The following ARFGEF3 variants were observed in gnomAD, a reference collection of about 807,000 sequenced individuals.
ARFGEF3 encodes ARFGEF family member 3.
In ARFGEF3, 96 loss-of-function variants were observed where a neutral mutation model predicts 221.7. The ratio of observed to expected loss-of-function variants is 0.43; its 90% CI spans 0.37 to 0.51. ARFGEF3 has a LOEUF of 0.51. ARFGEF3 is among the 20% of genes least tolerant of loss of function. The probability of loss-of-function intolerance (pLI) is 0.00; values close to 1 mark genes in which losing one functional copy is unlikely to be tolerated. For synonymous variants in ARFGEF3, 1,145 were observed against 1,126.8 expected (o/e 1.02, Z -0.32); for missense variants, 2,410 against 2,789.9 (o/e 0.86, Z 3.07).
chr6:138,303,278 A>T (rs1018801346), intron 22 of ARFGEF3, among the ~76,000 whole-genome samples: 1 of 142,052 alleles, frequency 7.0e-6, no homozygotes, highest in African/African-American at 2.5e-5. Flanking sequence ...AAGTGATCAC[A>T]AAAAAAATGT....
chr6:138,201,354 A>G (rs1027473662), intron 2 of ARFGEF3, among the ~76,000 whole-genome samples: 6 of 152,230 alleles, frequency 3.9e-5, no homozygotes, highest in African/African-American at 1.4e-4. Flanking sequence ...ATTATTCAGA[A>G]AAGATACTTG....
intron 4 of ARFGEF3, among the ~76,000 whole-genome samples, chr6:138,224,325 G>C (rs544253354): frequency 2.0e-5 from 3 of 152,162 alleles, no homozygotes; most frequent in African/African-American, 7.2e-5. Context: ...CCACAGCGAG[G>C]TCCTGCCAGA....
chr6:138,340,998 A>C lies in ARFGEF3; in HGVS notation c.*4512A>C, dbSNP rs1333349640. The C allele has an allele frequency of 6.6e-6, 1 of 152,230 alleles. No homozygotes were observed. The allele number at this position is 152,230 out of a possible 1,614,324, so 9.4% of individuals were successfully genotyped here. A position where few individuals can be genotyped will look rare whatever the true frequency, so the allele number is the denominator to read the frequency against. On this transcript the variant is annotated 3_prime_UTR_variant, in exon 34 of 34. Coordinates refer to ENST00000251691, the MANE Select transcript of ARFGEF3 (RefSeq NM_020340.5). ...GTGTTTGAAAATAAAACCAAAATCT[A>C]AACTTTAGTCTTCAAGCAGACATTC...
chr6:138,190,816 C>G (rs1011357732), intron 2 of ARFGEF3, among the ~76,000 whole-genome samples: 3 of 152,170 alleles, frequency 2.0e-5, no homozygotes, highest in African/African-American at 7.2e-5. Flanking sequence ...AATACTTTGG[C>G]TAATCTGCAG....
chr6:138,247,191 G>A (rs965155037), intron 8 of ARFGEF3, among the ~76,000 whole-genome samples: 2 of 152,118 alleles, frequency 1.3e-5, no homozygotes, highest in Admixed American at 6.5e-5. Flanking sequence ...GATGTAAATA[G>A]TTCCTGCTGT....
rs765014515 is a variant in ARFGEF3, at chr6:138,336,430, C to T, written c.6478C>T (p.Gln2160Ter). 6.2e-7 allele frequency: 1 copy of T among 1,613,366 alleles called. No individual in the cohort carries two copies. The highest frequency in any genetic ancestry group is 1.1e-5 in the South Asian group (1 of 90,874). The change falls in exon 34 of 34, where the codon CAG becomes TAG. Residue 2160 changes from glutamine to a stop codon, truncating the protein, a stop_gained. Transcript: ENST00000251691. LOFTEE classifies it high-confidence loss of function. The part of the protein sequence containing the change: ...TCHVTDIRVR[Q>*]AVREWLGRVG... ...TCACGTGACCGACATCAGAGTTCGC[C>T]AGGCTGTGAGGGAGTGGCTGGGCAG...
chr6:138,325,688 C>T (rs1241880120), intron 31 of ARFGEF3, among the ~76,000 whole-genome samples: 3 of 152,224 alleles, frequency 2.0e-5, no homozygotes, highest in Non-Finnish European at 4.4e-5. Flanking sequence ...AAAGCATTTG[C>T]ACGTGTGCAC....
At chr6:138,215,887 T>TGTGA (rs1554250990) in intron 4 of ARFGEF3, 5 of 68,574 alleles carry the variant, frequency 7.3e-5, no homozygotes, top group Admixed American at 6.6e-4. Context: ...TGTGTGTGTG[T>TGTGA]GAAAGAGAGA....
intron 2 of ARFGEF3, among the ~76,000 whole-genome samples, chr6:138,205,318 T>C (rs1338364596): frequency 2.0e-5 from 3 of 152,206 alleles, no homozygotes; most frequent in Non-Finnish European, 2.9e-5. Context: ...GCTTGTTCCC[T>C]GCTATTATGC....
rs200118474 is a variant in ARFGEF3 at position 138,245,468 on chromosome 6, G to A, written c.587-45G>A. 3 of 1,362,124 alleles carry A rather than the reference G, an allele frequency of 2.2e-6. No individual in the cohort carries two copies. The African/African-American group carries it at 4.3e-5, about 19-fold the overall frequency. 84.4% of individuals were successfully genotyped at this position (1,362,124 alleles called of 1,614,324 possible). The stretch of plus-strand genomic sequence containing the variant: ...AAGGATGGTTCAGGGAGCTCGTCGT[G>A]CCCCCTGTCGATGTCTCATGCCTGT... On this transcript the variant is annotated intron_variant, in intron 7 of 33. Transcript: ENST00000251691.
At chr6:138,254,418 CAA>C (rs565207623) in intron 9 of ARFGEF3, among the ~76,000 whole-genome samples, 13 of 106,084 alleles carry the variant, frequency 1.2e-4, no homozygotes, top group South Asian at 3.0e-4. Flanking sequence ...GACTCTGTCC[CAA>C]AAAAAAAAAA....
chr6:138,334,677 A>T lies in ARFGEF3; in HGVS notation c.5831A>T (p.Gln1944Leu). The T allele has an allele frequency of 6.2e-7, 1 of 1,612,306 alleles. No individual in the cohort carries two copies. Among genetic ancestry groups the T allele is most frequent in the African/African-American group, 1.3e-5 (1 of 75,006 alleles). ...CCGTTCTTCATCCTGCCCTCCTTCCAGTCCGAGTCATCCACCCCATCCACC... is the reference window on the plus strand; with the variant it reads ...CCGTTCTTCATCCTGCCCTCCTTCCTGTCCGAGTCATCCACCCCATCCACC... ...GDPFFILPSFQSESSTPSTGG... is the reference protein window; with the variant it reads ...GDPFFILPSFLSESSTPSTGG... The change falls in exon 33 of 34, where the codon CAG becomes CTG. Residue 1944 changes from glutamine (Q) to leucine (L), a missense_variant. Physicochemically the swap from Gln to Leu is moderately radical, Grantham distance 113 (BLOSUM62 -2). This residue lies in a region of ARFGEF3 where 339 missense variants were observed against 334.9 expected (regional missense o/e 1.01). Transcript: ENST00000251691. The surrounding 1 kb of genome is among the most constrained non-coding windows in gnomAD (Gnocchi z 5.1).
intron 2 of ARFGEF3, among the ~76,000 whole-genome samples, chr6:138,177,336 C>G (rs1346711155): frequency 2.0e-5 from 3 of 152,062 alleles, no homozygotes; most frequent in Non-Finnish European, 1.5e-5. Flanking sequence ...CCAGGCTGGT[C>G]TCAGACTCCT....
intron 2 of ARFGEF3, among the ~76,000 whole-genome samples, chr6:138,205,190 A>G (rs892749856): frequency 6.6e-6 from 1 of 152,174 alleles, no homozygotes; most frequent in Non-Finnish European, 1.5e-5. Flanking sequence ...ATGGCATCCA[A>G]TCTTGTTGGG....
intron 4 of ARFGEF3, chr6:138,218,022 T>C (rs763037589): frequency 4.3e-6 from 7 of 1,612,764 alleles, no homozygotes; most frequent in Admixed American, 1.7e-5. Context: ...TTTGGATAAG[T>C]AGAGAAGACA....
chr6:138,275,305 A>G (rs189121894), intron 12 of ARFGEF3, among the ~76,000 whole-genome samples: 57 of 152,016 alleles, frequency 3.7e-4, no homozygotes, highest in African/African-American at 1.2e-3. Flanking sequence ...TTTTGTGGGA[A>G]TAATATAAGG....
chr6:138,213,228 T>C (rs2327879), intron 4 of ARFGEF3, among the ~76,000 whole-genome samples: 30,318 of 148,230 alleles, frequency 0.2, 4,788 homozygotes, highest in African/African-American at 0.43. Flanking sequence ...GCAGAGCTTA[T>C]AGTGAGCTGA....
Position 138,215,944 on chromosome 6 carries a change from A to ATTGGTTTT in ARFGEF3, c.351+5923_351+5930dup, listed in dbSNP as rs750900708. 6 of 139,606 alleles carry ATTGGTTTT rather than the reference A, an allele frequency of 4.3e-5. No individual in the cohort carries two copies. The East Asian group carries it at 8.4e-4, about 20-fold the overall frequency. 8.6% of individuals were successfully genotyped at this position (139,606 alleles called of 1,614,324 possible). ...GGAAAGGGAAAGAGTGTAATTTACC[A>ATTGGTTTT]TTGGTTTTTTGGTTTTTTGGTTTTT... On this transcript the variant is annotated intron_variant, in intron 4 of 33. Transcript: ENST00000251691.
intron 22 of ARFGEF3, among the ~76,000 whole-genome samples, chr6:138,301,297 T>C (rs1188905973): frequency 6.6e-6 from 1 of 152,238 alleles, no homozygotes; most frequent in Non-Finnish European, 1.5e-5. Flanking sequence ...TTAAAAACAG[T>C]GTTTGCTAGA....
Sources: allele counts gnomAD v4.1 joint callset (sites outside exome capture counted in the v4.1 genomes callset), GRCh38; gene constraint gnomAD v4.1.1; regional missense constraint gnomAD v4.1.1; non-coding constraint Gnocchi (gnomAD v3.1); transcripts MANE v1.5; gene names NCBI Gene and HGNC (gene_info 2026-07-23, HGNC 2026-07-21).